Variants in HGS observed in about 807,000 individuals in gnomAD.
HGS encodes the protein human growth factor-regulated tyrosine kinase substrate.
HGS carries 63 observed loss-of-function variants against 109.7 expected under a neutral mutation model. The ratio of observed to expected loss-of-function variants is 0.57; its 90% CI spans 0.47 to 0.71. HGS has a LOEUF of 0.71. Among genes scored for constraint, HGS ranks in the 30% least tolerant of loss-of-function variants. HGS has a pLI of 0.00. For synonymous variants in HGS, 546 were observed against 437.3 expected, an observed-to-expected ratio of 1.25 and a Z score of -3.10; for missense variants, 995 against 1,068.3, an observed-to-expected ratio of 0.93 and a Z score of 0.96.
chr17:81,689,291 C>T (rs1299275098), intron 5 of HGS, among the ~76,000 whole-genome samples: 1 of 152,236 alleles, frequency 6.6e-6, no homozygotes, highest in African/African-American at 2.4e-5. Flanking sequence ...GCAGCCGGGC[C>T]TGTGCGCCGA....
Position 81,691,436 on chromosome 17 carries a change from C to G in HGS, c.538-11C>G, listed in dbSNP as rs766887669. 2 of 1,613,658 alleles carry G rather than the reference C, an allele frequency of 1.2e-6. No homozygotes were observed. Among genetic ancestry groups the G allele is most frequent in the African/African-American group, 2.7e-5 (2 of 74,928 alleles). ...GTGCCTGTGACCAGGCCCGCCCGCC[C>G]CATCTTACAGCACCACTGCCGGGCG... On this transcript the variant is annotated splice_polypyrimidine_tract_variant and intron_variant, in intron 7 of 21. Coordinates refer to ENST00000329138, the MANE Select transcript of HGS (RefSeq NM_004712.5). This position sits in a 1 kb window ranked among gnomAD's most constrained non-coding sequence, Gnocchi z 5.3.
chr17:81,697,937 C>T (rs2037180363), intron 18 of HGS: 2 of 152,112 alleles, frequency 1.3e-5, no homozygotes, highest in African/African-American at 4.8e-5. Flanking sequence ...CTCCTGGGCT[C>T]AAGCAATCCT....
At chr17:81,701,188 G>A in intron 21 of HGS, 57 bp downstream of exon 21, 1 of 1,468,648 alleles carries the variant, frequency 6.8e-7, no homozygotes, top group Non-Finnish European at 9.5e-7. Context: ...AGGCTTCACG[G>A]TTTAGCAATG....
chr17:81,701,396 G>A (rs935916898), intron 21 of HGS, 112 bp from the exon 22 acceptor site: 23 of 1,191,940 alleles, frequency 1.9e-5, no homozygotes, highest in Admixed American at 4.8e-5. Context: ...GCTGCAGTCC[G>A]TGGACATGGA....
At position 81,688,747 on chromosome 17, in the gene HGS, TC is replaced by T. The variant is rs1309853341; in HGVS notation, c.337del (p.Gln113ArgfsTer23). ...VNVRNKILYL[I>X]QAWAHAFRNE... The stretch of plus-strand genomic sequence containing the variant: ...GTCCGTAACAAGATCCTGTACCTGA[TC>T]CAGGCCTGGGCGCATGCCTTCCGGA... On this transcript the variant is annotated frameshift_variant, in exon 5 of 22. Transcript: ENST00000329138. LOFTEE classifies it high-confidence loss of function. The T allele has an allele frequency of 6.2e-7, 1 of 1,614,106 alleles. No individual in the cohort carries two copies.
In HGS at chr17:81,691,110, C is replaced by G. The variant is rs890841050; in HGVS notation, c.538-337C>G. On this transcript the variant is annotated intron_variant, in intron 7 of 21. Transcript: ENST00000329138. The surrounding 1 kb of genome is among the most constrained non-coding windows in gnomAD (Gnocchi z 5.3). ...CACATCAAAACCCCCTCCAGGCTGG[C>G]AACCGGCAGTGCTTGGGGTTTGGGG... The G allele has an allele frequency of 2.4e-6, 1 of 423,128 alleles. No homozygotes were observed. The highest frequency in any genetic ancestry group is 4.3e-6 in the Non-Finnish European group (1 of 232,896). The allele number at this position is 423,128 out of a possible 1,614,324, so 26.2% of individuals were successfully genotyped here. A position where few individuals can be genotyped will look rare whatever the true frequency, so the allele number is the denominator to read the frequency against.
intron 1 of HGS, chr17:81,684,939 G>T (rs892232762): frequency 4.1e-6 from 4 of 985,274 alleles, no homozygotes; most frequent in Non-Finnish European, 4.8e-6. Flanking sequence ...TACTGAATCA[G>T]TATAGAAAGT....
chr17:81,690,142 C>T (rs929736898), intron 5 of HGS, 40 bp from the exon 6 acceptor site: 9 of 1,600,128 alleles, frequency 5.6e-6, no homozygotes, highest in Non-Finnish European at 6.8e-6. Context: ...TCTTGCAGGC[C>T]AGGTGGGAGC....
chr17:81,701,735 C>A lies in HGS; in HGVS notation c.*117C>A, dbSNP rs2037241496. 9 of 1,408,800 alleles carry A rather than the reference C, an allele frequency of 6.4e-6. No homozygotes were observed. Among genetic ancestry groups the A allele is most frequent in the Non-Finnish European group, 8.5e-6 (9 of 1,064,950 alleles). 87.3% of individuals were successfully genotyped at this position (1,408,800 alleles called of 1,614,324 possible). A position where few individuals can be genotyped will look rare whatever the true frequency, so the allele number is the denominator to read the frequency against. On this transcript the variant is annotated 3_prime_UTR_variant, in exon 22 of 22. Transcript: ENST00000329138. ...TACTGCCGGTAGTGTCCCTTCTCTG[C>A]GAGTGAGGGGGGGCCTTCACCCCAA...
intron 1 of HGS, 59 bp from the exon 2 acceptor site, chr17:81,685,546 G>T: frequency 8.3e-7 from 1 of 1,199,198 alleles, no homozygotes; most frequent in Non-Finnish European, 1.2e-6. Context: ...CCAAGCTGGG[G>T]TGCTGCACGG....
At position 81,696,473 on chromosome 17, in the gene HGS, C is replaced by A; in HGVS notation, c.1510C>A (p.Arg504Ser). ...TCGCCGGGCAGCCGAGGAGGCAGAG[C>A]GCCAGCGCCAGATCCAGCTGGCCCA... ...KLRRAAEEAE[R>S]QRQIQLAQKL... is the part of the protein sequence containing the mutation. The change falls in exon 16 of 22, where the codon CGC becomes AGC. Residue 504 changes from arginine to serine, a missense_variant. Coordinates refer to ENST00000329138, the MANE Select transcript of HGS (RefSeq NM_004712.5). 6.5e-7 allele frequency: 1 copy of A among 1,530,092 alleles called. No individual in the cohort carries two copies. The highest frequency in any genetic ancestry group is 2.1e-5 in the Admixed American group (1 of 47,522). 94.8% of individuals were successfully genotyped at this position (1,530,092 alleles called of 1,614,324 possible).
Position 81,684,611 on chromosome 17 carries a change from T to C in HGS, c.37+508T>C, listed in dbSNP as rs181870351. Among the ~76,000 whole-genome samples the C allele has an allele frequency of 1.5e-3, 227 of 152,276 alleles. 1 individual carries two copies. The highest frequency in any genetic ancestry group is 3.4e-3 in the Middle Eastern group (1 of 294). On this transcript the variant is annotated intron_variant, in intron 1 of 21. Transcript: ENST00000329138. Reference sequence around the variant, plus strand: ...TCCCACACTGGCTTCGGGAAGTGCCTAATGGTTTAGGAAGGCGTTTTCTCA... The same window carrying C: ...TCCCACACTGGCTTCGGGAAGTGCCCAATGGTTTAGGAAGGCGTTTTCTCA...
At chr17:81,696,561 C>G (rs375578360) in intron 16 of HGS, 32 bp downstream of exon 16, 10 of 1,549,752 alleles carry the variant, frequency 6.5e-6, no homozygotes, top group Non-Finnish European at 7.9e-6. Flanking sequence ...AGGCCGGGGC[C>G]GGCTGGGGGA....
chr17:81,694,654 A>G (rs1395633972), intron 11 of HGS, among the ~76,000 whole-genome samples, 161 bp from the exon 12 acceptor site: 3 of 152,156 alleles, frequency 2.0e-5, no homozygotes, highest in African/African-American at 7.2e-5. Context: ...GGAAGAGGAG[A>G]AAAGATGGCT....
intron 8 of HGS, chr17:81,692,259 T>G (rs2037076011): frequency 6.6e-6 from 1 of 152,220 alleles, no homozygotes; most frequent in African/African-American, 2.4e-5. Context: ...TGGGCCGTGC[T>G]CCCTGCTTGG....
intron 5 of HGS, among the ~76,000 whole-genome samples, chr17:81,689,299 C>T (rs779196972): frequency 2.7e-4 from 41 of 152,328 alleles, no homozygotes; most frequent in South Asian, 1.2e-3. Context: ...GCCTGTGCGC[C>T]GAGGGCCTCC....
Position 81,693,709 on chromosome 17 carries a change from C to T in HGS, c.797C>T (p.Ala266Val). 1 of 1,558,166 alleles carries T rather than the reference C, an allele frequency of 6.4e-7. No individual in the cohort carries two copies. The highest frequency in any genetic ancestry group is 8.7e-7 in the Non-Finnish European group (1 of 1,151,280). The change falls in exon 10 of 22, where the codon GCC becomes GTC. Residue 266 changes from alanine (A) to valine (V), a missense_variant. Physicochemically the swap from Ala to Val is moderately conservative, Grantham distance 64. Transcript: ENST00000329138. ...ALQEEEELQLALALSQSEAEE... is the reference protein window; with the variant it reads ...ALQEEEELQLVLALSQSEAEE... ...CAGGAGGAGGAGGAGCTGCAGCTGG[C>T]CCTGGCGCTGTCACAGTCAGAGGCG... is the stretch of plus-strand genomic sequence containing the variant.
chr17:81,697,089 G>GGTTTTCCCA (rs1449563043), intron 18 of HGS, 91 bp downstream of exon 18: 13 of 1,360,910 alleles, frequency 9.6e-6, no homozygotes, highest in Admixed American at 4.7e-5. Context: ...TGGTGCGAAG[G>GGTTTTCCCA]GTTTTCCCAG....
chr17:81,696,166 C>A (rs1598749006), intron 15 of HGS, 167 bp downstream of exon 15: 2 of 422,850 alleles, frequency 4.7e-6, no homozygotes, highest in South Asian at 3.4e-5. Flanking sequence ...GATGACCATG[C>A]CCTGCCCTGC....
Sources: gnomAD v4.1 joint callset for allele counts (sites outside exome capture counted in the v4.1 genomes callset) on GRCh38, gnomAD v4.1.1 for gene constraint, Gnocchi (gnomAD v3.1) non-coding constraint, MANE v1.5 for transcripts, NCBI Gene and HGNC (gene_info 2026-07-23, HGNC 2026-07-21) for gene names.